The following ADAMTSL1 variants were observed in gnomAD, a reference collection of about 807,000 sequenced individuals.
ADAMTSL1 encodes ADAMTS like 1, also known as ADAMTS-like protein 1.
In ADAMTSL1, 126 loss-of-function variants were observed where a neutral mutation model predicts 201.8. The observed-to-expected ratio is 0.62, with a 90% confidence interval of 0.54 to 0.72. The LOEUF (loss-of-function observed/expected upper bound fraction) is 0.72. Ranked by LOEUF, ADAMTSL1 falls within the 30% of genes least tolerant of loss-of-function variation. ADAMTSL1 has a pLI of 0.00. For missense variants in ADAMTSL1, 2,679 were observed against 2,277.8 expected, an observed-to-expected ratio of 1.18 and a Z score of -3.59; for synonymous variants, 1,121 against 903.4, an observed-to-expected ratio of 1.24 and a Z score of -4.32.
chr9:18,641,302 G>A (rs1029440738), intron 7 of ADAMTSL1, among the ~76,000 whole-genome samples: 1 of 152,030 alleles, frequency 6.6e-6, no homozygotes, highest in African/African-American at 2.4e-5. Flanking sequence ...AAACTGAATT[G>A]TATTTGTCTT....
rs1818979685 is a variant in ADAMTSL1 at position 17,987,546 on chromosome 9, T to C, written c.87+80624T>C. ...GATCGTTTTGGACTTTTAGTCTTAGTGTGTTTGTAATAGTTTGTTAAGCAG... is the reference window on the plus strand; with the variant it reads ...GATCGTTTTGGACTTTTAGTCTTAGCGTGTTTGTAATAGTTTGTTAAGCAG... On this transcript the variant is annotated intron_variant, in intron 1 of 29. Coordinates refer to the ADAMTSL1 transcript ENST00000680146. Among the ~76,000 whole-genome samples, 3 of 151,986 alleles carry C rather than the reference T, an allele frequency of 2.0e-5. No individual in the cohort carries two copies. The South Asian group carries it at 6.2e-4, about 32-fold the overall frequency.
intron 20 of ADAMTSL1, among the ~76,000 whole-genome samples, chr9:18,809,812 A>G (rs948889221): frequency 6.6e-6 from 1 of 152,124 alleles, no homozygotes; most frequent in Non-Finnish European, 1.5e-5. Context: ...AAGAAAAGAA[A>G]AAGAGCTTGA....
rs367593235 is a variant in ADAMTSL1, at chr9:18,504,973, T to A, written c.191+17T>A. ...GAGCAGCAAGTAAGTCCTGCACCCG[T>A]TGGGGGTCTTTGTGAGAACCAGAGG... is the stretch of plus-strand genomic sequence containing the variant. On this transcript the variant is annotated intron_variant, in intron 2 of 28. Transcript: ENST00000380548. 5 of 1,593,958 alleles carry A rather than the reference T, an allele frequency of 3.1e-6. No homozygotes were observed. The highest frequency in any genetic ancestry group is 8.5e-7 in the Non-Finnish European group (1 of 1,176,080).
chr9:18,447,238 CCGT>C (rs1820226615), intron 2 of ADAMTSL1, among the ~76,000 whole-genome samples: 1 of 152,072 alleles, frequency 6.6e-6, no homozygotes, highest in Non-Finnish European at 1.5e-5. Context: ...CTCAAGGGCT[CCGT>C]GAGAAAAAGC....
intron 2 of ADAMTSL1, among the ~76,000 whole-genome samples, chr9:18,408,175 A>C (rs957174460): frequency 1.3e-5 from 2 of 152,156 alleles, no homozygotes; most frequent in Non-Finnish European, 2.9e-5. Flanking sequence ...TTCATTTCAG[A>C]AGTATATTAA....
chr9:18,854,152 G>A (rs1034607167), intron 23 of ADAMTSL1, among the ~76,000 whole-genome samples: 1 of 152,116 alleles, frequency 6.6e-6, no homozygotes, highest in African/African-American at 2.4e-5. Flanking sequence ...CACAAAGCAA[G>A]AGAATCACTA....
At chr9:17,958,865 G>A (rs112179533) in intron 1 of ADAMTSL1, among the ~76,000 whole-genome samples, 1,739 of 152,050 alleles carry the variant, frequency 0.011, 12 homozygotes, top group Middle Eastern at 0.048. Context: ...TATAATTCCC[G>A]GCAATAGTTG....
chr9:18,390,668 A>G (rs2791445), intron 2 of ADAMTSL1, among the ~76,000 whole-genome samples: 146,679 of 152,216 alleles, frequency 0.96, 70,914 homozygotes, highest in East Asian at 1. Context: ...CAAGAAGAAC[A>G]CCTCAAGAGA....
At chr9:18,195,845 A>G (rs1829152532) in intron 2 of ADAMTSL1, among the ~76,000 whole-genome samples, 1 of 152,098 alleles carries the variant, frequency 6.6e-6, no homozygotes, top group South Asian at 2.1e-4. Context: ...TTCATTTGGT[A>G]AGATGTTTAG....
At chr9:18,836,994 C>T (rs1173548031) in intron 23 of ADAMTSL1, among the ~76,000 whole-genome samples, 1 of 152,072 alleles carries the variant, frequency 6.6e-6, no homozygotes, top group East Asian at 1.9e-4. Flanking sequence ...TTTATCAATT[C>T]CAGGAGCCTT....
chr9:18,567,339 A>C lies in ADAMTSL1; in HGVS notation c.238-6691A>C, dbSNP rs536660055. Among the ~76,000 whole-genome samples the C allele has an allele frequency of 3.9e-5, 6 of 152,098 alleles. No individual in the cohort carries two copies. In the East Asian group the frequency reaches 1.2e-3, roughly 29 times the overall value. On this transcript the variant is annotated intron_variant, in intron 3 of 28. Transcript: ENST00000380548. ...AAAGTAGCCAGGTATGGTGGCACAC[A>C]CCTGTAATCCCAGTTATTTAGGAGG...
intron 2 of ADAMTSL1, among the ~76,000 whole-genome samples, chr9:18,330,068 A>T (rs1281540429): frequency 6.6e-6 from 1 of 152,218 alleles, no homozygotes; most frequent in Non-Finnish European, 1.5e-5. Flanking sequence ...AATGAGACTT[A>T]ATGTCAATAA....
chr9:18,214,539 T>A (rs1829994754), intron 2 of ADAMTSL1, among the ~76,000 whole-genome samples: 1 of 152,190 alleles, frequency 6.6e-6, no homozygotes, highest in African/African-American at 2.4e-5. Flanking sequence ...ATGTTTAGAT[T>A]AAATTTAGAA....
chr9:18,172,756 A>G (rs944201605), intron 2 of ADAMTSL1, among the ~76,000 whole-genome samples: 1 of 152,136 alleles, frequency 6.6e-6, no homozygotes, highest in African/African-American at 2.4e-5. Context: ...GCTTATTTAT[A>G]CAATAAACAC....
At chr9:18,810,081 G>A (rs1330926817) in intron 20 of ADAMTSL1, among the ~76,000 whole-genome samples, 1 of 152,140 alleles carries the variant, frequency 6.6e-6, no homozygotes, top group Non-Finnish European at 1.5e-5. Context: ...TGAGTAGGGA[G>A]GTGAGGTCAT....
chr9:18,659,043 C>A (rs1047942730), intron 8 of ADAMTSL1, among the ~76,000 whole-genome samples: 9 of 152,094 alleles, frequency 5.9e-5, no homozygotes, highest in African/African-American at 2.2e-4. Flanking sequence ...GTTTTTCTAA[C>A]GTAATGGATA....
At chr9:18,201,406 A>T (rs979475454) in intron 2 of ADAMTSL1, among the ~76,000 whole-genome samples, 3 of 152,124 alleles carry the variant, frequency 2.0e-5, no homozygotes, top group African/African-American at 7.2e-5. Flanking sequence ...TTATTCACTT[A>T]TTTAGTTACT....
chr9:18,231,823 C>A (rs1830656397), intron 2 of ADAMTSL1, among the ~76,000 whole-genome samples: 1 of 152,198 alleles, frequency 6.6e-6, no homozygotes, highest in African/African-American at 2.4e-5. Flanking sequence ...ATCCTTGACT[C>A]TCCTTGGCCA....
intron 4 of ADAMTSL1, among the ~76,000 whole-genome samples, chr9:18,597,208 T>C (rs573262447): frequency 1.3e-5 from 2 of 152,178 alleles, no homozygotes; most frequent in Non-Finnish European, 2.9e-5. Flanking sequence ...TTAAATGTCT[T>C]TTTTATCTTT....
Sources: gnomAD v4.1 joint callset for allele counts (sites outside exome capture counted in the v4.1 genomes callset) on GRCh38, gnomAD v4.1.1 for gene constraint, MANE v1.5 for transcripts, NCBI Gene and HGNC (gene_info 2026-07-23, HGNC 2026-07-21) for gene names.